The following SPOCK3 variants were observed in gnomAD, a reference collection of about 807,000 sequenced individuals.
SPOCK3 encodes the protein SPARC (osteonectin), cwcv and kazal like domains proteoglycan 3.
SPOCK3 carries 30 observed loss-of-function variants against 56.6 expected under a neutral mutation model. The observed-to-expected ratio is 0.53, with a 90% CI of 0.40 to 0.72. SPOCK3 has a LOEUF of 0.72. Ranked by LOEUF, SPOCK3 falls within the 30% of genes least tolerant of loss-of-function variation. The pLI, the probability that SPOCK3 is intolerant of heterozygous loss-of-function variation, is 0.00. For synonymous variants in SPOCK3, 196 were observed against 183.3 expected, an observed-to-expected ratio of 1.07 and a Z score of -0.56; for missense variants, 527 against 530.0, an observed-to-expected ratio of 0.99 and a Z score of 0.06.
chr4:166,856,780 T>TTATC (rs75127358), intron 6 of SPOCK3, among the ~76,000 whole-genome samples: 6,296 of 149,346 alleles, frequency 0.042, 226 homozygotes, highest in African/African-American at 0.084. Flanking sequence ...CTCAAAAAAA[T>TTATC]TATCTATCTA....
chr4:166,851,098 TC>T (rs1730001416), intron 6 of SPOCK3, among the ~76,000 whole-genome samples: 1 of 152,116 alleles, frequency 6.6e-6, no homozygotes, highest in Non-Finnish European at 1.5e-5. Context: ...GCAGTGGTTC[TC>T]CCAGCACGCA....
intron 3 of SPOCK3, among the ~76,000 whole-genome samples, chr4:167,025,876 C>G (rs1751652382): frequency 6.6e-6 from 1 of 152,054 alleles, no homozygotes; most frequent in South Asian, 2.1e-4. Context: ...CTAAATGGTA[C>G]AGTCTACTAC....
At chr4:167,036,310 TA>T (rs970893135) in intron 3 of SPOCK3, among the ~76,000 whole-genome samples, 7 of 152,164 alleles carry the variant, frequency 4.6e-5, no homozygotes, top group African/African-American at 1.2e-4. Context: ...CTATATGAAG[TA>T]AAAAAACACC....
chr4:166,738,213 T>G (rs548670347), intron 9 of SPOCK3, among the ~76,000 whole-genome samples: 49 of 152,034 alleles, frequency 3.2e-4, no homozygotes, highest in African/African-American at 1.2e-3. Flanking sequence ...CCTGATTACT[T>G]CTTCCATTCT....
At chr4:167,233,938 G>A in intron 2 of SPOCK3, 47 bp downstream of exon 2, 3 of 1,558,656 alleles carry the variant, frequency 1.9e-6, no homozygotes, top group Non-Finnish European at 2.6e-6. Flanking sequence ...CCCCCGCCTC[G>A]GAGCAGCGCG....
At chr4:166,888,773 ATTAC>A (rs1215351834) in intron 6 of SPOCK3, among the ~76,000 whole-genome samples, 4 of 151,992 alleles carry the variant, frequency 2.6e-5, no homozygotes, top group African/African-American at 9.7e-5. Context: ...AAACCACTTA[ATTAC>A]TTACTACTTT....
intron 4 of SPOCK3, among the ~76,000 whole-genome samples, chr4:166,925,731 A>G (rs1316105377): frequency 6.6e-6 from 1 of 152,094 alleles, no homozygotes; most frequent in Non-Finnish European, 1.5e-5. Context: ...TAGAATCTCA[A>G]TCTTGGACTT....
intron 8 of SPOCK3, among the ~76,000 whole-genome samples, chr4:166,751,395 G>T (rs528486747): frequency 4.6e-5 from 7 of 152,110 alleles, no homozygotes; most frequent in Non-Finnish European, 1.0e-4. Flanking sequence ...GATGTTATTC[G>T]TACTGAATAA....
At chr4:167,158,613 T>C (rs1282820194) in intron 2 of SPOCK3, among the ~76,000 whole-genome samples, 1 of 152,020 alleles carries the variant, frequency 6.6e-6, no homozygotes, top group Non-Finnish European at 1.5e-5. Flanking sequence ...AGTGGTTTTC[T>C]TTCAGAGTGT....
intron 4 of SPOCK3, among the ~76,000 whole-genome samples, chr4:166,922,283 AC>A (rs1222178220): frequency 6.6e-6 from 1 of 152,206 alleles, no homozygotes; most frequent in Non-Finnish European, 1.5e-5. Context: ...TAGAATCATT[AC>A]ATTCATGGAA....
chr4:166,739,193 T>G (rs1438247934), intron 9 of SPOCK3, among the ~76,000 whole-genome samples: 1 of 152,156 alleles, frequency 6.6e-6, no homozygotes, highest in Non-Finnish European at 1.5e-5. Context: ...CTCATTGTGG[T>G]TTTGGTTTGC....
chr4:167,182,385 A>C (rs1731548543), intron 2 of SPOCK3, among the ~76,000 whole-genome samples: 1 of 141,490 alleles, frequency 7.1e-6, no homozygotes, highest in Admixed American at 7.4e-5. Context: ...TTCTAGAAGG[A>C]ATTCCTTAAA....
chr4:166,934,217 G>T (rs182026392), intron 4 of SPOCK3, among the ~76,000 whole-genome samples: 1 of 151,854 alleles, frequency 6.6e-6, no homozygotes, highest in East Asian at 1.9e-4. Flanking sequence ...ACGGCCGGGC[G>T]CAGTGGCTCA....
chr4:167,159,190 C>T (rs1204774567), intron 2 of SPOCK3, among the ~76,000 whole-genome samples: 2 of 151,920 alleles, frequency 1.3e-5, no homozygotes, highest in Non-Finnish European at 2.9e-5. Flanking sequence ...TCTCGCATAA[C>T]TACTATAAGT....
intron 2 of SPOCK3, among the ~76,000 whole-genome samples, chr4:167,113,049 T>C (rs572454087): frequency 1.3e-5 from 2 of 152,180 alleles, no homozygotes; most frequent in South Asian, 4.1e-4. Flanking sequence ...TAGCAGCAGG[T>C]AGAAAGAATC....
chr4:166,766,433 C>T (rs532133855), intron 7 of SPOCK3, among the ~76,000 whole-genome samples: 1 of 152,276 alleles, frequency 6.6e-6, no homozygotes, highest in Admixed American at 6.5e-5. Flanking sequence ...TTTGCTGCCT[C>T]TATTGAGATA....
At chr4:167,194,895 C>A (rs1166790250) in intron 2 of SPOCK3, among the ~76,000 whole-genome samples, 1 of 152,190 alleles carries the variant, frequency 6.6e-6, no homozygotes, top group Non-Finnish European at 1.5e-5. Context: ...CACTAGGTAT[C>A]TGGGAGGTCT....
rs67854676 is a variant in SPOCK3 at position 167,119,143 on chromosome 4, AGG to A, written c.190-56608_190-56607del. The stretch of plus-strand genomic sequence containing the variant: ...TCTGAACTAGAAGGCGGGGTGGGGG[AGG>A]GGGGGGAACACCATTTCCTTTTCAC... On this transcript the variant is annotated intron_variant, in intron 2 of 10. Transcript: ENST00000357545. Among the ~76,000 whole-genome samples the A allele has an allele frequency of 3.5e-4, 44 of 123,960 alleles. 1 individual carries two copies. The highest frequency in any genetic ancestry group is 5.6e-4 in the Non-Finnish European group (34 of 60,760). 81.3% of individuals were successfully genotyped at this position (123,960 alleles called of 152,430 possible).
intron 5 of SPOCK3, among the ~76,000 whole-genome samples, chr4:166,890,572 A>G (rs1462999355): frequency 1.3e-5 from 2 of 151,996 alleles, no homozygotes; most frequent in Non-Finnish European, 2.9e-5. Context: ...TTTTCTTTGT[A>G]AACATTACTC....
Sources: allele counts gnomAD v4.1 joint callset (sites outside exome capture counted in the v4.1 genomes callset), GRCh38; gene constraint gnomAD v4.1.1; transcripts MANE v1.5; gene names NCBI Gene and HGNC (gene_info 2026-07-23, HGNC 2026-07-21).